ZNF207: variants seen among roughly 807,000 people sequenced by gnomAD.
ZNF207 encodes zinc finger protein 207.
A neutral mutation model predicts 60.2 loss-of-function variants in ZNF207; 24 were observed. The observed-to-expected ratio is 0.40, with a 90% CI of 0.29 to 0.56. ZNF207 has a LOEUF of 0.56. Ranked by LOEUF, ZNF207 falls within the 20% of genes least tolerant of loss-of-function variation. ZNF207 has a pLI of 0.49. For synonymous variants in ZNF207, 236 were observed against 194.7 expected (o/e 1.21, Z -1.77); for missense variants, 452 against 636.6 (o/e 0.71, Z 3.12).
chr17:32,361,133 T>C, intron 5 of ZNF207, 166 bp downstream of exon 5: 1 of 770,054 alleles, frequency 1.3e-6, no homozygotes, highest in East Asian at 2.7e-5. Flanking sequence ...TTAAGGAATA[T>C]AAATTTGCCT....
At chr17:32,362,207 G>A (rs550429444) in intron 6 of ZNF207, among the ~76,000 whole-genome samples, 5 of 152,058 alleles carry the variant, frequency 3.3e-5, no homozygotes, top group African/African-American at 9.6e-5. Flanking sequence ...CCAGACTACA[G>A]TGCAGTGGCG....
Position 32,378,044 on chromosome 17 carries a change from CAAGG to C in ZNF207, c.*8289_*8292del, listed in dbSNP as rs1371008110. 6.6e-6 allele frequency: 1 copy of C among 152,394 alleles called. No homozygotes were observed. The highest frequency in any genetic ancestry group is 1.5e-5 in the Non-Finnish European group (1 of 67,870). 9.4% of individuals were successfully genotyped at this position (152,394 alleles called of 1,614,324 possible). A position where few individuals can be genotyped will look rare whatever the true frequency, so the allele number is the denominator to read the frequency against. On this transcript the variant is annotated 3_prime_UTR_variant, in exon 12 of 12. Transcript: ENST00000394670. ...TTCAAACATATCCATATAACTCACA[CAAGG>C]AAGAAAGCTGTGCGGTTACTTAAAT...
Position 32,352,799 on chromosome 17 carries a change from C to A in ZNF207, c.168+887C>A, listed in dbSNP as rs117435758. Among the ~76,000 whole-genome samples, 992 of 152,320 alleles carry A rather than the reference C, an allele frequency of 6.5e-3. 5 individuals are homozygous for A. Among genetic ancestry groups the A allele is most frequent in the Non-Finnish European group, 0.011 (754 of 68,036 alleles). ...CAGCCTCATATTCCTGGGTTCTAGC[C>A]GTCTTCCTGCCTCGTTCTCCCAAAG... On this transcript the variant is annotated intron_variant, in intron 2 of 11. Coordinates refer to ENST00000394670, the MANE Select transcript of ZNF207 (RefSeq NM_001098507.2).
At chr17:32,357,348 A>ATTTTTTTTTT (rs772462101) in intron 2 of ZNF207, among the ~76,000 whole-genome samples, 9 of 77,654 alleles carry the variant, frequency 1.2e-4, no homozygotes, top group African/African-American at 6.0e-4. Flanking sequence ...TATTATTATT[A>ATTTTTTTTTT]TTATTTTTTT....
In ZNF207 at chr17:32,360,565, T is replaced by C. The variant is rs1276054708; in HGVS notation, c.308-33T>C. The C allele has an allele frequency of 4.5e-6, 7 of 1,560,286 alleles. No homozygotes were observed. The African/African-American group carries it at 9.8e-5, about 22-fold the overall frequency. On this transcript the variant is annotated intron_variant, in intron 3 of 11. Transcript: ENST00000394670. ...GTTGTAAATAAACTTTCTTAGTTTT[T>C]ACTCTATGGAAATAATTTTTTTTTT...
Position 32,379,561 on chromosome 17 carries a change from A to AT in ZNF207, c.*9803dup, listed in dbSNP as rs1244564996. On this transcript the variant is annotated 3_prime_UTR_variant, in exon 12 of 12. Coordinates refer to ENST00000394670, the MANE Select transcript of ZNF207 (RefSeq NM_001098507.2). ...TTTCTTAGTGCTTTGGAGACATTGC[A>AT]TAGGTGTAAAATTAAGATACCAGAA... 6.6e-6 allele frequency: 1 copy of AT among 152,076 alleles called. No individual in the cohort carries two copies. The highest frequency in any genetic ancestry group is 2.4e-5 in the African/African-American group (1 of 41,418). 9.4% of individuals were successfully genotyped at this position (152,076 alleles called of 1,614,324 possible).
intron 2 of ZNF207, 93 bp from the exon 3 acceptor site, chr17:32,358,410 A>G (rs990907815): frequency 1.8e-5 from 23 of 1,290,286 alleles, no homozygotes; most frequent in Non-Finnish European, 2.2e-5. Flanking sequence ...TGGCCTCACT[A>G]TAGAACATTT....
Position 32,381,715 on chromosome 17 carries a change from T to A in ZNF207, c.*11956T>A, listed in dbSNP as rs545944516. 2.0e-5 allele frequency: 3 copies of A among 152,314 alleles called. No individual in the cohort carries two copies. The highest frequency in any genetic ancestry group is 6.5e-5 in the Admixed American group (1 of 15,304). The allele number at this position is 152,314 out of a possible 1,614,324, so 9.4% of individuals were successfully genotyped here. On this transcript the variant is annotated 3_prime_UTR_variant, in exon 12 of 12. Coordinates refer to ENST00000394670, the MANE Select transcript of ZNF207 (RefSeq NM_001098507.2). ...TGAAAAATGGTGCTTTATTTCCATA[T>A]CTGAAGCCTGAAGTTATTTTTTAGT... is the stretch of plus-strand genomic sequence containing the variant.
chr17:32,369,230 A>G (rs1316581148), intron 10 of ZNF207, 65 bp from the exon 11 acceptor site: 1 of 1,555,450 alleles, frequency 6.4e-7, no homozygotes, highest in Non-Finnish European at 8.8e-7. Flanking sequence ...TTTTAGATGC[A>G]TGCCTTTATG....
intron 7 of ZNF207, 91 bp downstream of exon 7, chr17:32,363,075 T>A (rs2150797082): frequency 8.1e-7 from 1 of 1,241,520 alleles, no homozygotes; most frequent in Non-Finnish European, 1.1e-6. Flanking sequence ...TAATGAAATT[T>A]AAAAATTTTT....
chr17:32,367,278 T>A (rs1270613456), intron 9 of ZNF207, among the ~76,000 whole-genome samples: 3 of 103,324 alleles, frequency 2.9e-5, no homozygotes, highest in Non-Finnish European at 5.5e-5. Context: ...TATATATATA[T>A]ATATATAAAG....
At chr17:32,353,634 G>A (rs1317003183) in intron 2 of ZNF207, among the ~76,000 whole-genome samples, 1 of 148,616 alleles carries the variant, frequency 6.7e-6, no homozygotes, top group Admixed American at 6.8e-5. Flanking sequence ...CCAAAAATTA[G>A]CTGGGCATGG....
At chr17:32,365,549 A>G in intron 8 of ZNF207, 62 bp downstream of exon 8, 6 of 1,455,094 alleles carry the variant, frequency 4.1e-6, no homozygotes, top group Non-Finnish European at 4.5e-6. Flanking sequence ...AGTTGTTTAC[A>G]GAAGTCTTTG....
In ZNF207 at chr17:32,366,756, A is replaced by G. The variant is rs1289101631; in HGVS notation, c.920A>G (p.Gln307Arg). The change falls in exon 9 of 12, where the codon CAA becomes CGA. Residue 307 changes from glutamine to arginine, a missense_variant and splice_region_variant. Coordinates refer to ENST00000394670, the MANE Select transcript of ZNF207 (RefSeq NM_001098507.2). ...SSKALFPSTA[Q>R]AQAAVQGPVG... The stretch of plus-strand genomic sequence containing the variant: ...AAAGCTCTGTTTCCTAGCACAGCAC[A>G]AGTACGCAGGAAGTTGCAGTTTAAA... 6.2e-7 allele frequency: 1 copy of G among 1,601,162 alleles called. No individual in the cohort carries two copies. Among genetic ancestry groups the G allele is most frequent in the Non-Finnish European group, 8.5e-7 (1 of 1,175,088 alleles).
Position 32,351,667 on chromosome 17 carries a change from A to G in ZNF207, c.42-119A>G, listed in dbSNP as rs746563499. On this transcript the variant is annotated intron_variant, in intron 1 of 11. Transcript: ENST00000394670. ...ATTGTGTAATAAATATAAAAAGCAG[A>G]GTTTCTATACAGTACCATTTTGGTT... The G allele has an allele frequency of 2.5e-6, 4 of 1,592,916 alleles. No homozygotes were observed. The East Asian group carries it at 6.8e-5, about 27-fold the overall frequency.
rs1019126649 is a variant in ZNF207 at position 32,352,309 on chromosome 17, G to GT, written c.168+407dup. 4.1e-3 allele frequency among the ~76,000 whole-genome samples: 619 copies of GT among 149,804 alleles called. 2 individuals are homozygous for GT. Among genetic ancestry groups the GT allele is most frequent in the Non-Finnish European group, 5.9e-3 (398 of 67,412 alleles). On this transcript the variant is annotated intron_variant, in intron 2 of 11. Transcript: ENST00000394670. ...TTATTTCTCTGACAACTGTAGTTTT[G>GT]TTTTTTTTTTGTTCACTTACTTACT...
intron 7 of ZNF207, 40 bp downstream of exon 7, chr17:32,363,024 C>G: frequency 1.3e-6 from 2 of 1,562,432 alleles, no homozygotes; most frequent in Non-Finnish European, 1.7e-6. Context: ...GATGTACAGG[C>G]TTTATTTCTA....
chr17:32,360,502 A>G, intron 3 of ZNF207, 96 bp from the exon 4 acceptor site: 2 of 1,204,958 alleles, frequency 1.7e-6, no homozygotes, highest in South Asian at 3.3e-5. Flanking sequence ...AATCTCATGA[A>G]GTAATTTTAC....
chr17:32,367,093 A>G (rs973876738), intron 9 of ZNF207, among the ~76,000 whole-genome samples: 17 of 151,692 alleles, frequency 1.1e-4, no homozygotes, highest in African/African-American at 4.1e-4. Flanking sequence ...CTTTGGTTCT[A>G]AAGTTGGCCT....
Sources: gnomAD v4.1 joint callset for allele counts (sites outside exome capture counted in the v4.1 genomes callset) on GRCh38, gnomAD v4.1.1 for gene constraint, MANE v1.5 for transcripts, NCBI Gene and HGNC (gene_info 2026-07-23, HGNC 2026-07-21) for gene names.